KIZ: variants seen among roughly 807,000 people sequenced by gnomAD.
The protein encoded by KIZ is kizuna centrosomal protein.
In KIZ, 68 loss-of-function variants were observed where a neutral mutation model predicts 79.6. That is an observed-to-expected ratio of 0.85 (90% CI 0.70 to 1.05). The LOEUF (loss-of-function observed/expected upper bound fraction) is 1.05. Ranked by LOEUF, KIZ falls within the 50% of genes least tolerant of loss-of-function variation. The pLI is 0.00. For missense variants in KIZ, 797 were observed against 800.4 expected, an observed-to-expected ratio of 1.00 and a Z score of 0.05; for synonymous variants, 280 against 281.8, an observed-to-expected ratio of 0.99 and a Z score of 0.06.
intron 7 of KIZ, among the ~76,000 whole-genome samples, chr20:21,211,783 T>C (rs1345157357): frequency 6.6e-6 from 1 of 152,196 alleles, no homozygotes; most frequent in Non-Finnish European, 1.5e-5. Context: ...TTACAGACGT[T>C]TTCCTGACTG....
At position 21,176,930 on chromosome 20, in the gene KIZ, G is replaced by A. The variant is rs1189676629; in HGVS notation, c.1352+13771G>A. Among the ~76,000 whole-genome samples, 3 of 152,192 alleles carry A rather than the reference G, an allele frequency of 2.0e-5. No homozygotes were observed. The East Asian group carries it at 5.8e-4, about 29-fold the overall frequency. On this transcript the variant is annotated intron_variant, in intron 6 of 12. Transcript: ENST00000619189. ...AGAATTCATCCATGTCAAGATGTGT[G>A]TCAAAATTTCCTTCCTTTTTAAGGC...
At chr20:21,205,618 C>A in intron 7 of KIZ, 34 bp downstream of exon 7, 1 of 892,802 alleles carries the variant, frequency 1.1e-6, no homozygotes, top group Non-Finnish European at 1.8e-6. Context: ...TTTTCCCAAT[C>A]ACAAATGTGG....
At chr20:21,184,097 G>A in intron 6 of KIZ, among the ~76,000 whole-genome samples, 1 of 152,040 alleles carries the variant, frequency 6.6e-6, no homozygotes, top group East Asian at 1.9e-4. Context: ...TTCTGTTAAT[G>A]GTTGCCAGGT....
chr20:21,199,104 T>G (rs1010624941), intron 6 of KIZ, among the ~76,000 whole-genome samples: 3 of 152,226 alleles, frequency 2.0e-5, no homozygotes, highest in Non-Finnish European at 4.4e-5. Context: ...GTTGTTAAAC[T>G]AAATGATTCA....
At position 21,162,967 on chromosome 20, in the gene KIZ, T is replaced by C. The variant is rs2033749363; in HGVS notation, c.1160T>C (p.Leu387Pro). 14 of 1,613,924 alleles carry C rather than the reference T, an allele frequency of 8.7e-6. No individual in the cohort carries two copies. Among genetic ancestry groups the C allele is most frequent in the Non-Finnish European group, 1.1e-5 (13 of 1,179,860 alleles). Residue 387 changes from leucine to proline, a missense_variant, in exon 6 of 13, where the codon CTG becomes CCG. Physicochemically the swap from Leu to Pro is moderately conservative, Grantham distance 98. Transcript: ENST00000619189. ...DLTISISEDD[L>P]ILESPEPQPN... Reference sequence around the variant, plus strand: ...ACCATTTCAATAAGTGAAGATGATCTGATTTTAGAGAGCCCAGAACCACAG... The same window carrying C: ...ACCATTTCAATAAGTGAAGATGATCCGATTTTAGAGAGCCCAGAACCACAG...
intron 6 of KIZ, among the ~76,000 whole-genome samples, chr20:21,176,656 A>G (rs2034449124): frequency 6.6e-6 from 1 of 152,164 alleles, no homozygotes; most frequent in Admixed American, 6.5e-5. Flanking sequence ...TTTTCAGACT[A>G]GGAATTTAAA....
intron 7 of KIZ, among the ~76,000 whole-genome samples, chr20:21,213,287 C>T (rs998248516): frequency 1.3e-5 from 2 of 152,206 alleles, no homozygotes; most frequent in Non-Finnish European, 2.9e-5. Context: ...CCGGGCCTTC[C>T]GACCGGACCT....
chr20:21,192,441 T>C (rs1003916282), intron 6 of KIZ, among the ~76,000 whole-genome samples: 6 of 152,038 alleles, frequency 3.9e-5, no homozygotes, highest in Admixed American at 1.3e-4. Flanking sequence ...GGAGCCACCG[T>C]GCCTGGCTTG....
intron 9 of KIZ, among the ~76,000 whole-genome samples, chr20:21,223,386 G>A (rs76705936): frequency 0.016 from 2,437 of 152,242 alleles, 24 homozygotes; most frequent in Non-Finnish European, 0.023. Flanking sequence ...TTCTGAAGCA[G>A]CCCCAGACAA....
chr20:21,162,988 C>T lies in KIZ; in HGVS notation c.1181C>T (p.Pro394Leu), dbSNP rs773871109. ...GATCTGATTTTAGAGAGCCCAGAACCACAGCCAAATCCAGGTGGCAAGATG... is the reference window on the plus strand; with the variant it reads ...GATCTGATTTTAGAGAGCCCAGAACTACAGCCAAATCCAGGTGGCAAGATG... The part of the protein sequence containing the change: ...EDDLILESPE[P>L]QPNPGGKMEG... Residue 394 changes from proline (P) to leucine (L), a missense_variant, in exon 6 of 13, where the codon CCA (proline) becomes CTA (leucine). Coordinates refer to ENST00000619189, the MANE Select transcript of KIZ (RefSeq NM_018474.6). The T allele has an allele frequency of 1.6e-5, 26 of 1,613,864 alleles. No homozygotes were observed. In the East Asian group the frequency reaches 5.1e-4, roughly 32 times the overall value.
intron 11 of KIZ, among the ~76,000 whole-genome samples, chr20:21,238,094 G>A (rs1362712931): frequency 1.3e-5 from 2 of 152,154 alleles, no homozygotes; most frequent in African/African-American, 2.4e-5. Context: ...GCCTCCCAAA[G>A]TGCTGGGATT....
intron 6 of KIZ, chr20:21,202,485 C>G (rs2035637916): frequency 6.6e-6 from 1 of 152,162 alleles, no homozygotes; most frequent in African/African-American, 2.4e-5. Flanking sequence ...AAAGGTCTTT[C>G]TATCAAACTA....
chr20:21,147,989 G>GTGTGTGTT (rs1169052371), intron 4 of KIZ, among the ~76,000 whole-genome samples: 1 of 151,750 alleles, frequency 6.6e-6, no homozygotes, highest in Non-Finnish European at 1.5e-5. Flanking sequence ...GTGTGTGTGT[G>GTGTGTGTT]TGTGTGGCAG....
At chr20:21,202,365 A>C (rs1410264035) in intron 6 of KIZ, 1 of 152,242 alleles carries the variant, frequency 6.6e-6, no homozygotes, top group Non-Finnish European at 1.5e-5. Flanking sequence ...TTTTCCCAGC[A>C]GGGCAGTCTG....
chr20:21,136,053 C>T (rs1430476371), intron 2 of KIZ, among the ~76,000 whole-genome samples: 2 of 152,218 alleles, frequency 1.3e-5, no homozygotes, highest in South Asian at 2.1e-4. Context: ...GTGAGCCATT[C>T]GTCGAACATG....
intron 4 of KIZ, among the ~76,000 whole-genome samples, chr20:21,156,777 C>A (rs1197934910): frequency 6.6e-6 from 1 of 152,014 alleles, no homozygotes; most frequent in East Asian, 1.9e-4. Context: ...TCCCAACTTA[C>A]CCTCAAATGG....
At chr20:21,143,491 T>A (rs1247413246) in intron 3 of KIZ, among the ~76,000 whole-genome samples, 1 of 152,200 alleles carries the variant, frequency 6.6e-6, no homozygotes, top group Non-Finnish European at 1.5e-5. Flanking sequence ...TGCCAGAACC[T>A]CCATCAATCC....
intron 6 of KIZ, among the ~76,000 whole-genome samples, chr20:21,173,057 T>TGAAGGGTCA (rs1007822201): frequency 6.6e-6 from 1 of 152,124 alleles, no homozygotes; most frequent in Admixed American, 6.5e-5. Flanking sequence ...TGCCACGTTG[T>TGAAGGGTCA]GAAGGGTCAG....
At chr20:21,147,961 T>TTGTGTGTGTGTG (rs61333547) in intron 4 of KIZ, among the ~76,000 whole-genome samples, 34,702 of 140,728 alleles carry the variant, frequency 0.25, 5,007 homozygotes, top group Middle Eastern at 0.34. Flanking sequence ...CTCCTGGAAT[T>TTGTGTGTGTGTG]TGTGTGTGTG....
Sources: allele counts gnomAD v4.1 joint callset (sites outside exome capture counted in the v4.1 genomes callset), GRCh38; gene constraint gnomAD v4.1.1; transcripts MANE v1.5; gene names NCBI Gene and HGNC (gene_info 2026-07-23, HGNC 2026-07-21).